The following AFF3 variants were observed in gnomAD, a reference collection of about 807,000 sequenced individuals.
AFF3 encodes the protein AF4/FMR2 family member 3.
AFF3 carries 32 observed loss-of-function variants against 129.7 expected under a neutral mutation model. The ratio of observed to expected loss-of-function variants is 0.25; its 90% CI spans 0.19 to 0.33. The LOEUF is 0.33. AFF3 is among the 10% of genes least tolerant of loss of function. The pLI is 1.00. For missense variants in AFF3, 1,373 were observed against 1,592.0 expected (o/e 0.86, Z 2.34); for synonymous variants, 644 against 635.4 (o/e 1.01, Z -0.20).
chr2:99,803,362 T>C (rs185158854), intron 8 of AFF3, among the ~76,000 whole-genome samples: 38 of 152,204 alleles, frequency 2.5e-4, no homozygotes, highest in Admixed American at 9.2e-4. Context: ...TTTGCACTTA[T>C]GTTCATCAGG....
rs192778792 is a variant in AFF3, at chr2:99,836,585, C to T, written c.921+892G>A. On this transcript the variant is annotated intron_variant, in intron 8 of 24. Transcript: ENST00000672756. ...GCTTTCCAGAAAGAAAAACATCTGG[C>T]CTTTTAAAATAGTTGTTAATGTAAA... Among the ~76,000 whole-genome samples the T allele has an allele frequency of 3.8e-4, 57 of 151,974 alleles. 1 individual carries two copies. The East Asian group carries it at 9.5e-3, about 25-fold the overall frequency.
chr2:99,986,691 A>C (rs866736724), intron 7 of AFF3, among the ~76,000 whole-genome samples: 5 of 152,254 alleles, frequency 3.3e-5, no homozygotes, highest in Admixed American at 6.5e-5. Flanking sequence ...ACAGAAATCC[A>C]TAGATGTAAA....
chr2:99,587,909 C>T (rs1372212046), intron 15 of AFF3, among the ~76,000 whole-genome samples: 1 of 151,284 alleles, frequency 6.6e-6, no homozygotes, highest in Non-Finnish European at 1.5e-5. Context: ...ACTTGGGAGG[C>T]TGAGGCAGGA....
chr2:99,626,547 CT>C (rs1461818725), intron 13 of AFF3, among the ~76,000 whole-genome samples: 4 of 145,602 alleles, frequency 2.7e-5, no homozygotes, highest in African/African-American at 5.1e-5. Flanking sequence ...TCCCTTCTCC[CT>C]TCTCCCTCCC....
At chr2:99,579,560 A>C (rs747887937) in intron 17 of AFF3, among the ~76,000 whole-genome samples, 7 of 151,616 alleles carry the variant, frequency 4.6e-5, no homozygotes, top group Non-Finnish European at 8.8e-5. Context: ...TCTCTACTAA[A>C]AATACAAAAT....
At chr2:99,765,434 G>T (rs6542891) in intron 8 of AFF3, among the ~76,000 whole-genome samples, 1 of 152,138 alleles carries the variant, frequency 6.6e-6, no homozygotes, top group African/African-American at 2.4e-5. Flanking sequence ...GGGTAGAAGA[G>T]ATCGGGCTTG....
At chr2:100,043,834 T>A (rs180914419) in intron 4 of AFF3, among the ~76,000 whole-genome samples, 19 of 152,286 alleles carry the variant, frequency 1.2e-4, no homozygotes, top group Admixed American at 3.9e-4. Context: ...CTGTTGTAGT[T>A]GTTGTTGAGG....
At chr2:99,988,027 A>G (rs1381171588) in intron 7 of AFF3, among the ~76,000 whole-genome samples, 1 of 152,194 alleles carries the variant, frequency 6.6e-6, no homozygotes, top group African/African-American at 2.4e-5. Context: ...GCCCTCCAGG[A>G]GCACGCAGAA....
Position 100,068,959 on chromosome 2 carries a change from T to C in AFF3, c.53+35443A>G, listed in dbSNP as rs561057416. Among the ~76,000 whole-genome samples the C allele has an allele frequency of 7.0e-4, 107 of 152,278 alleles. 1 individual carries two copies. The highest frequency in any genetic ancestry group is 2.5e-3 in the African/African-American group (103 of 41,556). ...TAGATGGTAACCAAACCTTGTATTT[T>C]TTAAGTTTTCTTTGAAGTTCAGGGG... On this transcript the variant is annotated intron_variant, in intron 4 of 24. Coordinates refer to ENST00000672756, the MANE Select transcript of AFF3 (RefSeq NM_001386135.1).
intron 11 of AFF3, among the ~76,000 whole-genome samples, chr2:99,719,169 T>G (rs1278678066): frequency 6.6e-6 from 1 of 151,764 alleles, no homozygotes; most frequent in African/African-American, 2.4e-5. Flanking sequence ...TGCTCCATTT[T>G]GCCAGAAGCT....
In AFF3 at chr2:99,807,249, A is replaced by G. The variant is rs113542215; in HGVS notation, c.921+30228T>C. Among the ~76,000 whole-genome samples the G allele has an allele frequency of 5.0e-3, 766 of 152,314 alleles. 2 individuals carry two copies. Among genetic ancestry groups the G allele is most frequent in the African/African-American group, 0.018 (739 of 41,572 alleles). On this transcript the variant is annotated intron_variant, in intron 8 of 24. Coordinates refer to ENST00000672756, the MANE Select transcript of AFF3 (RefSeq NM_001386135.1). ...GGTCCTGGATGGAAGAGGATGGTGC[A>G]TAGGACAAGGCAGAGAAAACGGAGT... is the stretch of plus-strand genomic sequence containing the variant.
intron 11 of AFF3, among the ~76,000 whole-genome samples, chr2:99,702,065 A>G (rs927377951): frequency 1.3e-5 from 2 of 152,248 alleles, no homozygotes; most frequent in African/African-American, 4.8e-5. Context: ...TATTGCAAAT[A>G]AAGCTGCTAT....
intron 2 of AFF3, among the ~76,000 whole-genome samples, chr2:100,123,467 A>G (rs1374430897): frequency 6.6e-6 from 1 of 152,190 alleles, no homozygotes; most frequent in Admixed American, 6.5e-5. Flanking sequence ...TTCACTTTAC[A>G]TTGAAATGTG....
chr2:99,771,345 G>A (rs2105326456), intron 8 of AFF3, among the ~76,000 whole-genome samples: 1 of 150,772 alleles, frequency 6.6e-6, no homozygotes, highest in African/African-American at 2.4e-5. Context: ...AACCACCGAG[G>A]TACACGTTAC....
chr2:99,612,418 C>G lies in AFF3; in HGVS notation c.1185-10797G>C, dbSNP rs191658630. ...TTATGAGAATTAAGCTCAGATTTTA[C>G]AAGGGTGTATACCAAACCTGAAAAG... On this transcript the variant is annotated intron_variant, in intron 13 of 24. Transcript: ENST00000672756. Among the ~76,000 whole-genome samples the G allele has an allele frequency of 5.1e-4, 77 of 152,288 alleles. 1 individual carries two copies. Among genetic ancestry groups the G allele is most frequent in the Admixed American group, 5.0e-3 (76 of 15,296 alleles).
At chr2:100,076,890 C>T (rs913086486) in intron 4 of AFF3, among the ~76,000 whole-genome samples, 6 of 152,178 alleles carry the variant, frequency 3.9e-5, no homozygotes, top group Admixed American at 3.3e-4. Context: ...TGCCCACCTC[C>T]TAATGCCTGC....
At chr2:99,570,720 T>G (rs1181718531) in intron 18 of AFF3, among the ~76,000 whole-genome samples, 1 of 152,190 alleles carries the variant, frequency 6.6e-6, no homozygotes, top group African/African-American at 2.4e-5. Context: ...CCAACCCACT[T>G]AATCATATTG....
At chr2:99,749,725 T>C (rs1681471350) in intron 9 of AFF3, among the ~76,000 whole-genome samples, 2 of 152,224 alleles carry the variant, frequency 1.3e-5, no homozygotes. Flanking sequence ...CCACATTTCA[T>C]TCACTGAGGT....
chr2:99,770,940 T>C (rs1441319086), intron 8 of AFF3, among the ~76,000 whole-genome samples: 1 of 152,156 alleles, frequency 6.6e-6, no homozygotes, highest in African/African-American at 2.4e-5. Flanking sequence ...GGGAGCTTTG[T>C]TGCCTGGGTT....
Sources: gnomAD v4.1 joint callset for allele counts (sites outside exome capture counted in the v4.1 genomes callset) on GRCh38, gnomAD v4.1.1 for gene constraint, MANE v1.5 for transcripts, NCBI Gene and HGNC (gene_info 2026-07-23, HGNC 2026-07-21) for gene names.